Variants in SPOCK3 observed in about 807,000 individuals in gnomAD.
SPOCK3 encodes testican-3.
In SPOCK3, 30 loss-of-function variants were observed where a neutral mutation model predicts 56.6. The ratio of observed to expected loss-of-function variants is 0.53; its 90% CI spans 0.40 to 0.72. The LOEUF (loss-of-function observed/expected upper bound fraction) is 0.72, where lower values mean the gene tolerates loss of function less well. Ranked by LOEUF, SPOCK3 falls within the 30% of genes least tolerant of loss-of-function variation. The pLI, the probability that SPOCK3 is intolerant of heterozygous loss-of-function variation, is 0.00. For missense variants in SPOCK3, 527 were observed against 530.0 expected, an observed-to-expected ratio of 0.99 and a Z score of 0.06; for synonymous variants, 196 against 183.3, an observed-to-expected ratio of 1.07 and a Z score of -0.56.
At chr4:167,163,943 A>C (rs1377971939) in intron 2 of SPOCK3, among the ~76,000 whole-genome samples, 1 of 152,128 alleles carries the variant, frequency 6.6e-6, no homozygotes, top group African/African-American at 2.4e-5. Flanking sequence ...ATTATAGTCT[A>C]TTAGAAGAAA....
chr4:167,222,655 A>T (rs1410001448), intron 2 of SPOCK3, among the ~76,000 whole-genome samples: 13 of 138,792 alleles, frequency 9.4e-5, no homozygotes, highest in South Asian at 2.2e-4. Context: ...ATTCATATAT[A>T]AATATATAAA....
chr4:167,060,393 C>G lies in SPOCK3; in HGVS notation c.235+2099G>C, dbSNP rs555010973. Among the ~76,000 whole-genome samples, 19 of 151,850 alleles carry G rather than the reference C, an allele frequency of 1.3e-4. 1 individual carries two copies. Among genetic ancestry groups the G allele is most frequent in the Middle Eastern group, 6.9e-3 (2 of 288 alleles). On this transcript the variant is annotated intron_variant, in intron 3 of 10. Coordinates refer to ENST00000357545, the MANE Select transcript of SPOCK3 (RefSeq NM_001040159.2). Reference sequence around the variant, plus strand: ...AAACATACTAGAAATGAACATATCTCATGTCTTTTCTATGTAGATGATGGA... The same window carrying G: ...AAACATACTAGAAATGAACATATCTGATGTCTTTTCTATGTAGATGATGGA...
At chr4:166,954,989 A>G (rs1271970842) in intron 4 of SPOCK3, among the ~76,000 whole-genome samples, 2 of 152,146 alleles carry the variant, frequency 1.3e-5, no homozygotes, top group Non-Finnish European at 2.9e-5. Context: ...CTACTAATTC[A>G]CAGCAAAAAC....
At chr4:166,819,188 T>A (rs1744673628) in intron 6 of SPOCK3, among the ~76,000 whole-genome samples, 1 of 151,896 alleles carries the variant, frequency 6.6e-6, no homozygotes, top group African/African-American at 2.4e-5. Context: ...TCAAGAAAAA[T>A]GCTCAAAAAA....
intron 2 of SPOCK3, among the ~76,000 whole-genome samples, chr4:167,194,406 GCT>G (rs1480003897): frequency 9.9e-5 from 15 of 152,142 alleles, no homozygotes; most frequent in Non-Finnish European, 2.1e-4. Flanking sequence ...AAATCAGGCA[GCT>G]TATAGATCTC....
chr4:166,821,230 G>T (rs1213598033), intron 6 of SPOCK3, among the ~76,000 whole-genome samples: 2 of 152,004 alleles, frequency 1.3e-5, no homozygotes, highest in African/African-American at 4.8e-5. Context: ...AACATCATTA[G>T]TCACTAGGAA....
chr4:166,751,464 A>G (rs1736367708), intron 8 of SPOCK3, among the ~76,000 whole-genome samples: 1 of 152,150 alleles, frequency 6.6e-6, no homozygotes, highest in South Asian at 2.1e-4. Context: ...TTACTTTGTT[A>G]TTTCTGAAAG....
intron 3 of SPOCK3, among the ~76,000 whole-genome samples, chr4:167,014,803 T>C (rs976645123): frequency 6.6e-6 from 1 of 151,764 alleles, no homozygotes; most frequent in African/African-American, 2.4e-5. Context: ...ATGGTCAGGG[T>C]GGGGCTGGGC....
intron 2 of SPOCK3, among the ~76,000 whole-genome samples, chr4:167,074,902 CG>C (rs1309257270): frequency 6.6e-6 from 1 of 151,788 alleles, no homozygotes; most frequent in African/African-American, 2.4e-5. Flanking sequence ...ACATAGAGTA[CG>C]TACAATGTTT....
intron 6 of SPOCK3, among the ~76,000 whole-genome samples, chr4:166,827,198 C>A (rs2126782028): frequency 6.6e-6 from 1 of 152,090 alleles, no homozygotes; most frequent in South Asian, 2.1e-4. Flanking sequence ...GATAAAGAAC[C>A]AATAGTGTCA....
chr4:166,979,185 G>A (rs1283264086), intron 4 of SPOCK3, among the ~76,000 whole-genome samples: 5 of 152,100 alleles, frequency 3.3e-5, no homozygotes, highest in Non-Finnish European at 7.4e-5. Context: ...TATTTCTGGT[G>A]AGACTGAAAA....
chr4:166,813,829 A>G (rs1051830984), intron 6 of SPOCK3, among the ~76,000 whole-genome samples: 2 of 152,084 alleles, frequency 1.3e-5, no homozygotes, highest in African/African-American at 4.8e-5. Context: ...ACAAATAAAT[A>G]AACTGATACT....
At chr4:166,753,853 T>C (rs1736727583) in intron 8 of SPOCK3, among the ~76,000 whole-genome samples, 1 of 152,052 alleles carries the variant, frequency 6.6e-6, no homozygotes, top group South Asian at 2.1e-4. Context: ...TATCATTCAA[T>C]TGATTCCATA....
chr4:166,783,401 G>A, intron 7 of SPOCK3, among the ~76,000 whole-genome samples: 1 of 151,996 alleles, frequency 6.6e-6, no homozygotes, highest in Non-Finnish European at 1.5e-5. Context: ...AACTCAGGCT[G>A]CTAACATTTT....
chr4:167,116,209 C>A (rs1283673781), intron 2 of SPOCK3, among the ~76,000 whole-genome samples: 1 of 151,280 alleles, frequency 6.6e-6, no homozygotes, highest in Non-Finnish European at 1.5e-5. Flanking sequence ...ATACACACAC[C>A]CCAAAAGGCA....
chr4:166,785,736 T>C (rs1297454020), intron 7 of SPOCK3, among the ~76,000 whole-genome samples: 4 of 152,200 alleles, frequency 2.6e-5, no homozygotes, highest in Non-Finnish European at 4.4e-5. Context: ...ATTAAGCTTT[T>C]ACCCTTTTAA....
chr4:167,011,741 T>C (rs1750090450), intron 3 of SPOCK3, among the ~76,000 whole-genome samples: 1 of 152,066 alleles, frequency 6.6e-6, no homozygotes, highest in African/African-American at 2.4e-5. Flanking sequence ...AATAAATACA[T>C]AAAAGACCTA....
At chr4:167,155,602 A>G (rs1764750151) in intron 2 of SPOCK3, among the ~76,000 whole-genome samples, 1 of 152,206 alleles carries the variant, frequency 6.6e-6, no homozygotes, top group Non-Finnish European at 1.5e-5. Context: ...ACACACTTTT[A>G]ATTCACTTGA....
chr4:166,855,865 G>A (rs539887871), intron 6 of SPOCK3, among the ~76,000 whole-genome samples: 1 of 152,196 alleles, frequency 6.6e-6, no homozygotes, highest in East Asian at 1.9e-4. Flanking sequence ...CTGATTATCT[G>A]GGGAACACAT....
Sources: allele counts gnomAD v4.1 joint callset (sites outside exome capture counted in the v4.1 genomes callset), GRCh38; gene constraint gnomAD v4.1.1; transcripts MANE v1.5; gene names NCBI Gene and HGNC (gene_info 2026-07-23, HGNC 2026-07-21).